The following FAM9A variants were observed in gnomAD, a reference collection of about 807,000 sequenced individuals.
The protein encoded by FAM9A is family with sequence similarity 9 member A, also known as protein FAM9A.
A neutral mutation model predicts 25.0 loss-of-function variants in FAM9A; 49 were observed. That is an observed-to-expected ratio of 1.96 (90% CI 1.56 to 2.48). The LOEUF (loss-of-function observed/expected upper bound fraction) is 2.48, where lower values mean the gene tolerates loss of function less well. Ranked by LOEUF, FAM9A falls within the 30% of genes most tolerant of loss-of-function variation. The pLI, the probability that FAM9A is intolerant of heterozygous loss-of-function variation, is 0.00. For synonymous variants in FAM9A, 80 were observed against 85.1 expected, an observed-to-expected ratio of 0.94 and a Z score of 0.33; for missense variants, 266 against 249.3, an observed-to-expected ratio of 1.07 and a Z score of -0.45.
At chrX:8,800,437 G>A (rs1933593841) in intron 1 of FAM9A, among the ~76,000 whole-genome samples, 2 of 110,486 alleles carry the variant, frequency 1.8e-5, no homozygotes, top group African/African-American at 6.6e-5. Flanking sequence ...ACACCTGAAT[G>A]GCCCCTGCAG....
At chrX:8,799,532 G>C (rs1252917225) in intron 2 of FAM9A, among the ~76,000 whole-genome samples, 2 of 106,458 alleles carry the variant, frequency 1.9e-5, no homozygotes, top group Admixed American at 2.0e-4. Flanking sequence ...ACCGGCGGCC[G>C]GGCTGGAGGG....
Position 8,797,999 on chromosome X carries a change from A to G in FAM9A, c.373+151T>C, listed in dbSNP as rs1192619757. On this transcript the variant is annotated intron_variant, in intron 5 of 9. Transcript: ENST00000381003. ...AAAGGTAAGTATGAAAATTTATTAA[A>G]CGCATTACATTAAATACATATGTTA... 9.9e-6 allele frequency: 5 copies of G among 506,978 alleles called. No homozygotes were observed. In the South Asian group the frequency reaches 2.2e-4, roughly 22 times the overall value. The allele number at this position is 506,978 out of a possible 1,213,427, so 41.8% of individuals were successfully genotyped here.
intron 8 of FAM9A, among the ~76,000 whole-genome samples, chrX:8,792,491 A>G (rs1933481594): frequency 9.0e-6 from 1 of 111,497 alleles, no homozygotes; most frequent in South Asian, 3.8e-4. Flanking sequence ...TTGCCTCATG[A>G]TAACTGCATG....
intron 5 of FAM9A, 122 bp downstream of exon 5, chrX:8,798,028 G>A: frequency 4.8e-6 from 3 of 625,863 alleles, no homozygotes; most frequent in Non-Finnish European, 7.4e-6. Context: ...TATGTTAAAT[G>A]CTATATATGA....
chrX:8,801,162 G>A (rs1484454774), intron 1 of FAM9A, 149 bp downstream of exon 1: 2 of 108,392 alleles, frequency 1.8e-5, no homozygotes, highest in African/African-American at 3.4e-5. Context: ...CAGGTCAGCC[G>A]GCCGCTCAGC....
intron 8 of FAM9A, among the ~76,000 whole-genome samples, chrX:8,792,468 A>G (rs912424040): frequency 1.8e-5 from 2 of 111,506 alleles, no homozygotes; most frequent in Non-Finnish European, 3.8e-5. Context: ...AAGGGCCATT[A>G]CAGAGGTAAA....
At chrX:8,798,862 G>A in intron 3 of FAM9A, 104 bp downstream of exon 3, 2 of 1,143,844 alleles carry the variant, frequency 1.7e-6, no homozygotes, top group Non-Finnish European at 2.3e-6. Context: ...AAGCCACGAA[G>A]GGGCCAGGGG....
intron 8 of FAM9A, among the ~76,000 whole-genome samples, chrX:8,792,987 T>C (rs1324575950): frequency 8.9e-6 from 1 of 112,332 alleles, no homozygotes; most frequent in African/African-American, 3.2e-5. Context: ...ATCTGAACCA[T>C]CTCTTATGAC....
At position 8,798,453 on chromosome X, in the gene FAM9A, C is replaced by T. The variant is rs1172358895; in HGVS notation, c.247G>A (p.Glu83Lys). The change falls in exon 4 of 10, where the codon GAG becomes AAG. Residue 83 changes from glutamate (E) to lysine (K), a missense_variant. Coordinates refer to ENST00000381003, the MANE Select transcript of FAM9A (RefSeq NM_174951.3). ...TGKDPVRDECEERNPFTETRE... is the reference protein window; with the variant it reads ...TGKDPVRDECKERNPFTETRE... ...GTTTCTGTAAAAGGGTTTCTTTCCT[C>T]ACATTCATCACGGACTGGATCCTTT... is the stretch of plus-strand genomic sequence containing the variant. The T allele has an allele frequency of 1.7e-6, 2 of 1,211,503 alleles. No homozygotes were observed.
intron 7 of FAM9A, among the ~76,000 whole-genome samples, chrX:8,794,001 C>G (rs1429693347): frequency 8.9e-6 from 1 of 112,196 alleles, no homozygotes; most frequent in African/African-American, 3.2e-5. Context: ...ACACATATGT[C>G]TTAATTCTTG....
At chrX:8,797,718 G>GTA (rs1933549280) in intron 5 of FAM9A, among the ~76,000 whole-genome samples, 1 of 110,733 alleles carries the variant, frequency 9.0e-6, no homozygotes, top group African/African-American at 3.3e-5. Context: ...TAAATAATCT[G>GTA]TATACCAAAC....
intron 1 of FAM9A, among the ~76,000 whole-genome samples, 180 bp from the exon 2 acceptor site, chrX:8,800,389 G>C (rs1383577686): frequency 1.2e-4 from 13 of 111,013 alleles, no homozygotes; most frequent in South Asian, 3.9e-4. Context: ...CGTCCAGCCC[G>C]TCCCTGGGGC....
intron 7 of FAM9A, among the ~76,000 whole-genome samples, chrX:8,794,036 A>G (rs181045399): frequency 1.9e-3 from 217 of 112,095 alleles, no homozygotes; most frequent in African/African-American, 6.8e-3. Context: ...GTATTTGACG[A>G]CCCTTCCTAT....
chrX:8,800,173 G>T lies in FAM9A; in HGVS notation c.-2C>A, dbSNP rs745509212. The T allele has an allele frequency of 6.6e-6, 8 of 1,207,779 alleles. No individual in the cohort carries two copies. In the East Asian group the frequency reaches 2.4e-4, roughly 36 times the overall value. Reference sequence around the variant, plus strand: ...GCGCTTCCTGCCCACGGGCTCCATGGTTGGCTGTCCTGGGAAGTTAGAGGC... The same window carrying T: ...GCGCTTCCTGCCCACGGGCTCCATGTTTGGCTGTCCTGGGAAGTTAGAGGC... On this transcript the variant is annotated 5_prime_UTR_variant, in exon 2 of 10. Transcript: ENST00000381003.
intron 8 of FAM9A, among the ~76,000 whole-genome samples, chrX:8,791,608 AC>A (rs199992886): frequency 0.042 from 4,693 of 112,035 alleles, 94 homozygotes; most frequent in Non-Finnish European, 0.066. Context: ...ATTGTCATGT[AC>A]TTTGCTTGAA....
In FAM9A at chrX:8,800,079, A is replaced by G. The variant is rs1429104657; in HGVS notation, c.91+2T>C. Reference sequence around the variant, plus strand: ...AAACAGACCATCTCCTTGGGCGTGCACCTTCTTTCGTGGCCCCCTGGGCGG... The same window carrying G: ...AAACAGACCATCTCCTTGGGCGTGCGCCTTCTTTCGTGGCCCCCTGGGCGG... On this transcript the variant is annotated splice_donor_variant, in intron 2 of 9. Coordinates refer to ENST00000381003, the MANE Select transcript of FAM9A (RefSeq NM_174951.3). LOFTEE classifies it high-confidence loss of function. The G allele has an allele frequency of 1.5e-5, 18 of 1,204,663 alleles. No individual in the cohort carries two copies. The highest frequency in any genetic ancestry group is 5.4e-5 in the African/African-American group (3 of 55,844).
At chrX:8,794,986 T>G in intron 7 of FAM9A, 92 bp downstream of exon 7, 2 of 1,115,556 alleles carry the variant, frequency 1.8e-6, no homozygotes, top group Non-Finnish European at 2.4e-6. Context: ...GGGCTCATGC[T>G]CTCTTCCTTC....
chrX:8,800,708 A>T (rs1413124762), intron 1 of FAM9A, among the ~76,000 whole-genome samples: 1 of 31,682 alleles, frequency 3.2e-5, no homozygotes, highest in African/African-American at 1.4e-4. Flanking sequence ...CTCCCCACAC[A>T]CTCCGCCCCT....
intron 9 of FAM9A, 40 bp downstream of exon 9, chrX:8,791,240 A>C: frequency 1.1e-6 from 1 of 949,348 alleles, no homozygotes; most frequent in Non-Finnish European, 1.4e-6. Flanking sequence ...CAGTGCTTAC[A>C]TCAATCCTGA....
Sources: gnomAD v4.1 joint callset for allele counts (sites outside exome capture counted in the v4.1 genomes callset) on GRCh38, gnomAD v4.1.1 for gene constraint, MANE v1.5 for transcripts, NCBI Gene and HGNC (gene_info 2026-07-23, HGNC 2026-07-21) for gene names.